Variants in PCDHA5 observed in about 807,000 individuals in gnomAD.
PCDHA5 encodes the protein protocadherin alpha 5, also known as protocadherin alpha-5.
A neutral mutation model predicts 61.6 loss-of-function variants in PCDHA5; 43 were observed. The ratio of observed to expected loss-of-function variants is 0.70; its 90% confidence interval spans 0.55 to 0.90. The LOEUF is 0.90. PCDHA5 is among the 40% of genes least tolerant of loss of function. The pLI, the probability that PCDHA5 is intolerant of heterozygous loss-of-function variation, is 0.00. For synonymous variants in PCDHA5, 627 were observed against 543.9 expected (o/e 1.15, Z -2.13); for missense variants, 1,298 against 1,222.7 (o/e 1.06, Z -0.92).
chr5:140,877,195 G>A, intron 1 of PCDHA5: 2 of 1,613,838 alleles, frequency 1.2e-6, no homozygotes, highest in East Asian at 2.2e-5. Context: ...CAGCGCAGGA[G>A]GCGCAGTTAG....
rs782468691 is a variant in PCDHA5 at position 140,962,448 on chromosome 5, A to C, written c.2353-16501A>C. Reference sequence around the variant, plus strand: ...TGTTACTTATCCAAAGATGGCTTGAATCTCTTATGGCTTGAATCTCTTTGT... The same window carrying C: ...TGTTACTTATCCAAAGATGGCTTGACTCTCTTATGGCTTGAATCTCTTTGT... On this transcript the variant is annotated intron_variant, in intron 1 of 3. Coordinates refer to ENST00000529859, the MANE Select transcript of PCDHA5 (RefSeq NM_018908.3). Among the ~76,000 whole-genome samples the C allele has an allele frequency of 4.7e-4, 72 of 152,232 alleles. 1 individual carries two copies. The highest frequency in any genetic ancestry group is 6.8e-3 in the Middle Eastern group (2 of 294).
Position 140,857,793 on chromosome 5 carries a change from G to A in PCDHA5, c.2352+33666G>A, listed in dbSNP as rs782663646. The A allele has an allele frequency of 5.0e-6, 8 of 1,597,706 alleles. No individual in the cohort carries two copies. The Middle Eastern group carries it at 6.9e-4, about 137-fold the overall frequency. ...GGTGCAGTCAGTGAGCTGGTGCTGC[G>A]GTCGGTGGTTGCGGGTCACGTGGTG... is the stretch of plus-strand genomic sequence containing the variant. On this transcript the variant is annotated intron_variant, in intron 1 of 3. Coordinates refer to ENST00000529859, the MANE Select transcript of PCDHA5 (RefSeq NM_018908.3).
rs1554128143 is a variant in PCDHA5 at position 140,821,639 on chromosome 5, G to T, written c.-137G>T. The T allele has an allele frequency of 5.8e-6, 6 of 1,031,504 alleles. No individual in the cohort carries two copies. The highest frequency in any genetic ancestry group is 5.2e-5 in the South Asian group (3 of 57,362). 63.9% of individuals were successfully genotyped at this position (1,031,504 alleles called of 1,614,324 possible). On this transcript the variant is annotated 5_prime_UTR_variant, in exon 1 of 4. Transcript: ENST00000529859. ...GATTTTCCTTAGACAGAAAGGAAAA[G>T]AACCTTCCATTTTTGGCTGTGCCAA...
intron 1 of PCDHA5, chr5:140,850,598 C>A (rs1358773904): frequency 6.3e-7 from 1 of 1,598,460 alleles, no homozygotes; most frequent in Non-Finnish European, 8.6e-7. Context: ...TGTACCTGAT[C>A]ATCGCCATCT....
intron 1 of PCDHA5, among the ~76,000 whole-genome samples, chr5:140,976,568 TA>T (rs2096723296): frequency 6.6e-6 from 1 of 152,050 alleles, no homozygotes; most frequent in Non-Finnish European, 1.5e-5. Context: ...AATAAATAAA[TA>T]TAAATAAAAC....
intron 1 of PCDHA5, chr5:140,876,569 G>C (rs1554168675): frequency 6.2e-7 from 1 of 1,614,186 alleles, no homozygotes; most frequent in Admixed American, 1.7e-5. Flanking sequence ...GCTCAGGTGG[G>C]TACCGTCATT....
Position 140,850,357 on chromosome 5 carries a change from C to T in PCDHA5, c.2352+26230C>T, listed in dbSNP as rs146638035. On this transcript the variant is annotated intron_variant, in intron 1 of 3. Coordinates refer to ENST00000529859, the MANE Select transcript of PCDHA5 (RefSeq NM_018908.3). ...CCAGAAACGGCCAGCGCGAGCATCC[C>T]GTTCCGCGTGGGGCTGTACACGGGC... 66 of 1,597,856 alleles carry T rather than the reference C, an allele frequency of 4.1e-5. 3 individuals carry two copies. The African/African-American group carries it at 6.2e-4, about 15-fold the overall frequency.
At chr5:140,992,517 G>C (rs78765218) in intron 3 of PCDHA5, among the ~76,000 whole-genome samples, 388 of 152,300 alleles carry the variant, frequency 2.5e-3, no homozygotes, top group African/African-American at 8.8e-3. Flanking sequence ...GGGCATGGTA[G>C]CTAATGGAAA....
intron 1 of PCDHA5, chr5:140,967,137 T>C: frequency 1.2e-6 from 2 of 1,611,728 alleles, no homozygotes; most frequent in Non-Finnish European, 1.7e-6. Context: ...TTGGAAGTGC[T>C]GGCGCACAAC....
At chr5:140,863,393 C>G (rs782189753) in intron 1 of PCDHA5, 2 of 924,736 alleles carry the variant, frequency 2.2e-6, no homozygotes, top group Non-Finnish European at 3.3e-6. Flanking sequence ...TCGTGCATGC[C>G]GGGCAAGCCC....
rs1314333890 is a variant in PCDHA5, at chr5:141,000,908, T to TA, written c.2501-8708dup. ...GGGCAACAGATATAGACGCTGTCTCTAAAAAAAAAAATCCTGTGTGATTTA... is the reference window on the plus strand; with the variant it reads ...GGGCAACAGATATAGACGCTGTCTCTAAAAAAAAAAAATCCTGTGTGATTTA... On this transcript the variant is annotated intron_variant, in intron 3 of 3. Coordinates refer to ENST00000529859, the MANE Select transcript of PCDHA5 (RefSeq NM_018908.3). Among the ~76,000 whole-genome samples the TA allele has an allele frequency of 4.2e-4, 62 of 147,094 alleles. 1 individual carries two copies. Among genetic ancestry groups the TA allele is most frequent in the South Asian group, 3.0e-3 (14 of 4,626 alleles).
At chr5:140,966,753 C>T in intron 1 of PCDHA5, 1 of 1,433,176 alleles carries the variant, frequency 7.0e-7, no homozygotes, top group South Asian at 1.5e-5. Context: ...CTGCCTCCGC[C>T]GCGGCCAGTG....
chr5:140,958,015 C>A (rs573406509), intron 1 of PCDHA5, among the ~76,000 whole-genome samples: 1 of 151,796 alleles, frequency 6.6e-6, no homozygotes, highest in Non-Finnish European at 1.5e-5. Context: ...TTCTATCAGC[C>A]AAGTATACTA....
rs2150312229 is a variant in PCDHA5 at position 140,841,232 on chromosome 5, T to C, written c.2352+17105T>C. 327 of 1,468,172 alleles carry C rather than the reference T, an allele frequency of 2.2e-4. 4 individuals are homozygous for C. Among genetic ancestry groups the C allele is most frequent in the Non-Finnish European group, 2.9e-4 (317 of 1,091,800 alleles). 90.9% of individuals were successfully genotyped at this position (1,468,172 alleles called of 1,614,324 possible). Reference sequence around the variant, plus strand: ...TCTCTAAAGGCCGAACAACGGGAGATGCAGCGGAATTGGATTAAAAGACTC... The same window carrying C: ...TCTCTAAAGGCCGAACAACGGGAGACGCAGCGGAATTGGATTAAAAGACTC... On this transcript the variant is annotated intron_variant, in intron 1 of 3. Coordinates refer to ENST00000529859, the MANE Select transcript of PCDHA5 (RefSeq NM_018908.3).
intron 1 of PCDHA5, among the ~76,000 whole-genome samples, chr5:140,948,738 A>T (rs1347138284): frequency 6.6e-6 from 1 of 151,488 alleles, no homozygotes; most frequent in African/African-American, 2.4e-5. Flanking sequence ...CTAGCTGAGA[A>T]TTTATCAATT....
At chr5:140,825,666 C>T (rs1209779806) in intron 1 of PCDHA5, 2 of 152,100 alleles carry the variant, frequency 1.3e-5, no homozygotes, top group Non-Finnish European at 2.9e-5. Context: ...AGGTGATTTA[C>T]CCGCCTCGGC....
In PCDHA5 at chr5:140,869,957, A is replaced by G. The variant is rs782483772; in HGVS notation, c.2352+45830A>G. The stretch of plus-strand genomic sequence containing the variant: ...GTAACATACTCCTTAATGTCAATTA[A>G]GCCCAATGGAAGACACTTATTTACA... On this transcript the variant is annotated intron_variant, in intron 1 of 3. Transcript: ENST00000529859. 4 of 1,613,040 alleles carry G rather than the reference A, an allele frequency of 2.5e-6. No homozygotes were observed. The South Asian group carries it at 4.4e-5, about 18-fold the overall frequency.
intron 1 of PCDHA5, chr5:140,969,111 G>A (rs1554231464): frequency 4.3e-6 from 7 of 1,614,116 alleles, no homozygotes; most frequent in Non-Finnish European, 5.9e-6. Flanking sequence ...ATTGAAGTTC[G>A]AGGGAATGGC....
At chr5:140,832,540 C>T (rs1195666281) in intron 1 of PCDHA5, among the ~76,000 whole-genome samples, 1 of 152,172 alleles carries the variant, frequency 6.6e-6, no homozygotes, top group African/African-American at 2.4e-5. Context: ...ATTTGTGTAG[C>T]TAATGATATC....
Sources: gnomAD v4.1 joint callset for allele counts (sites outside exome capture counted in the v4.1 genomes callset) on GRCh38, gnomAD v4.1.1 for gene constraint, MANE v1.5 for transcripts, NCBI Gene and HGNC (gene_info 2026-07-23, HGNC 2026-07-21) for gene names.